ZEB1: variants seen among roughly 807,000 people sequenced by gnomAD.
ZEB1 encodes the protein zinc finger E-box binding homeobox 1.
A neutral mutation model predicts 84.9 loss-of-function variants in ZEB1; 21 were observed. The observed-to-expected ratio is 0.25, with a 90% confidence interval of 0.18 to 0.36. The LOEUF is 0.36. Ranked by LOEUF, ZEB1 falls within the 10% of genes least tolerant of loss-of-function variation. ZEB1 has a pLI of 1.00. For missense variants in ZEB1, 1,104 were observed against 1,330.2 expected (o/e 0.83, Z 2.65); for synonymous variants, 420 against 471.1 (o/e 0.89, Z 1.41).
At chr10:31,360,715 C>G (rs2042882493) in intron 1 of ZEB1, among the ~76,000 whole-genome samples, 1 of 152,134 alleles carries the variant, frequency 6.6e-6, no homozygotes, top group African/African-American at 2.4e-5. Context: ...CGAGTCTAAT[C>G]ACGTTGAAAT....
In ZEB1 at chr10:31,487,738, T is replaced by C. The variant is rs1242160422; in HGVS notation, c.260-8038T>C. Among the ~76,000 whole-genome samples the C allele has an allele frequency of 3.3e-5, 5 of 151,376 alleles. No individual in the cohort carries two copies. In the East Asian group the frequency reaches 7.8e-4, roughly 23 times the overall value. Reference sequence around the variant, plus strand: ...GAAAGCATAGTCTTTCTCCTTTAAGTGTAATGTTAACTGTAGGTTTCTTGT... The same window carrying C: ...GAAAGCATAGTCTTTCTCCTTTAAGCGTAATGTTAACTGTAGGTTTCTTGT... On this transcript the variant is annotated intron_variant, in intron 2 of 8. Transcript: ENST00000424869.
intron 1 of ZEB1, among the ~76,000 whole-genome samples, chr10:31,365,452 G>T (rs2044272467): frequency 6.6e-6 from 1 of 152,098 alleles, no homozygotes; most frequent in African/African-American, 2.4e-5. Flanking sequence ...TTATTAAAAG[G>T]CAAGAAGTTA....
At chr10:31,400,232 A>G (rs912372457) in intron 1 of ZEB1, among the ~76,000 whole-genome samples, 3 of 152,202 alleles carry the variant, frequency 2.0e-5, no homozygotes, top group Non-Finnish European at 1.5e-5. Flanking sequence ...ACATAGAAAT[A>G]TAGTGTTTGG....
chr10:31,492,281 G>A (rs188634482), intron 2 of ZEB1, among the ~76,000 whole-genome samples: 44 of 151,822 alleles, frequency 2.9e-4, no homozygotes, highest in Admixed American at 4.6e-4. Flanking sequence ...CCATGTAATC[G>A]TTTCTCATTT....
At chr10:31,431,412 G>A (rs1216018215) in intron 1 of ZEB1, among the ~76,000 whole-genome samples, 1 of 152,202 alleles carries the variant, frequency 6.6e-6, no homozygotes, top group Non-Finnish European at 1.5e-5. Flanking sequence ...TCTATTGTAT[G>A]AGGAGTAATA....
At chr10:31,474,619 T>G (rs1309381729) in intron 2 of ZEB1, among the ~76,000 whole-genome samples, 3 of 152,248 alleles carry the variant, frequency 2.0e-5, no homozygotes, top group Admixed American at 6.5e-5. Flanking sequence ...GGTGGGACTG[T>G]AAACTAGTTC....
intron 1 of ZEB1, among the ~76,000 whole-genome samples, chr10:31,330,563 TTTATC>T (rs1275942670): frequency 6.6e-6 from 1 of 152,198 alleles, no homozygotes; most frequent in African/African-American, 2.4e-5. Flanking sequence ...TTCCGTAGCT[TTTATC>T]TTTAGATGGG....
At chr10:31,460,931 C>T in intron 1 of ZEB1, 106 bp from the exon 2 acceptor site, 4 of 912,488 alleles carry the variant, frequency 4.4e-6, no homozygotes, top group East Asian at 5.3e-5. Context: ...TAAAAGAAAA[C>T]ATTGAATTAC....
chr10:31,389,785 A>G (rs1283498515), intron 1 of ZEB1: 1 of 152,182 alleles, frequency 6.6e-6, no homozygotes, highest in Non-Finnish European at 1.5e-5. Flanking sequence ...CCCAATATAT[A>G]CAAAAATATT....
intron 1 of ZEB1, among the ~76,000 whole-genome samples, chr10:31,340,411 A>C (rs995952305): frequency 3.9e-5 from 6 of 152,366 alleles, no homozygotes; most frequent in Admixed American, 1.3e-4. Flanking sequence ...ATGGAGTAGC[A>C]GCTAATCTTT....
intron 2 of ZEB1, among the ~76,000 whole-genome samples, chr10:31,468,283 C>T (rs1183396707): frequency 6.6e-6 from 1 of 152,114 alleles, no homozygotes; most frequent in Non-Finnish European, 1.5e-5. Flanking sequence ...TCACCAAGAA[C>T]ACTCTTGTAT....
In ZEB1 at chr10:31,319,276, C is replaced by G; in HGVS notation, c.42C>G (p.Asn14Lys). ...GGTGTAAGCGCAGAAAGCAGGCGAA[C>G]CCGCGGCGCAATAACGGTGAGTGGC... Reference protein sequence around the residue: ...GPRCKRRKQANPRRNNVTNYN... With the variant: ...GPRCKRRKQAKPRRNNVTNYN... The change falls in exon 1 of 9, where the codon AAC becomes AAG. Residue 14 changes from asparagine (N) to lysine (K), a missense_variant. Transcript: ENST00000424869. 7 of 1,609,610 alleles carry G rather than the reference C, an allele frequency of 4.3e-6. No homozygotes were observed. Among genetic ancestry groups the G allele is most frequent in the Non-Finnish European group, 5.9e-6 (7 of 1,178,534 alleles).
rs193035933 is a variant in ZEB1, at chr10:31,413,901, A to G, written c.59-47136A>G. Among the ~76,000 whole-genome samples, 10 of 152,282 alleles carry G rather than the reference A, an allele frequency of 6.6e-5. No individual in the cohort carries two copies. The East Asian group carries it at 1.2e-3, about 18-fold the overall frequency. Reference sequence around the variant, plus strand: ...AATCTGTGTTTCTAACTGACCCTAAACAGCTCTGTTGGTTTCCTGCTCATG... The same window carrying G: ...AATCTGTGTTTCTAACTGACCCTAAGCAGCTCTGTTGGTTTCCTGCTCATG... On this transcript the variant is annotated intron_variant, in intron 1 of 8. Coordinates refer to ENST00000424869, the MANE Select transcript of ZEB1 (RefSeq NM_001174096.2).
chr10:31,519,156 G>T (rs1008529999), intron 6 of ZEB1, among the ~76,000 whole-genome samples: 5 of 152,134 alleles, frequency 3.3e-5, no homozygotes, highest in African/African-American at 1.2e-4. Context: ...GGGATAAATG[G>T]CAAACAAGCC....
Position 31,520,531 on chromosome 10 carries a change from T to C in ZEB1, c.1199T>C (p.Val400Ala). Residue 400 changes from valine (V) to alanine (A), a missense_variant, in exon 7 of 9, where the codon GTT becomes GCT. Val to Ala is a moderately conservative substitution (Grantham distance 64). This residue lies in a region of ZEB1 where 111 missense variants were observed against 161.8 expected (regional missense o/e 0.69). Coordinates refer to ENST00000424869, the MANE Select transcript of ZEB1 (RefSeq NM_001174096.2). The surrounding 1 kb of genome is among the most constrained non-coding windows in gnomAD (Gnocchi z 5.1). ...GTGCAAGCTGTTGTTCTGCCAACAGTTGGTTTGGTGTCTCCCATAAGTATC... is the reference window on the plus strand; with the variant it reads ...GTGCAAGCTGTTGTTCTGCCAACAGCTGGTTTGGTGTCTCCCATAAGTATC... ...GMVQAVVLPT[V>A]GLVSPISINL... 1 of 1,613,670 alleles carries C rather than the reference T, an allele frequency of 6.2e-7. No individual in the cohort carries two copies. Among genetic ancestry groups the C allele is most frequent in the Non-Finnish European group, 8.5e-7 (1 of 1,179,624 alleles).
At chr10:31,322,344 T>C (rs1328019820) in intron 1 of ZEB1, among the ~76,000 whole-genome samples, 2 of 152,376 alleles carry the variant, frequency 1.3e-5, no homozygotes, top group Admixed American at 6.5e-5. Flanking sequence ...TCTCAAATCT[T>C]TTTAATGAAG....
chr10:31,524,756 C>T (rs1364297030), intron 8 of ZEB1, among the ~76,000 whole-genome samples: 1 of 148,408 alleles, frequency 6.7e-6, no homozygotes, highest in Non-Finnish European at 1.5e-5. Context: ...AATATGAGAC[C>T]AGTGGGCTAA....
At chr10:31,413,312 C>T (rs1315679046) in intron 1 of ZEB1, among the ~76,000 whole-genome samples, 1 of 152,086 alleles carries the variant, frequency 6.6e-6, no homozygotes, top group Non-Finnish European at 1.5e-5. Flanking sequence ...GTAATAAGCC[C>T]TTGTATCTGC....
chr10:31,510,701 C>T lies in ZEB1; in HGVS notation c.513C>T (p.Leu171=), dbSNP rs1316021890. Reference sequence around the variant, plus strand: ...CACCAGATGCATTTTCACAATTACTCACCTGTCCATATTGTGATAGAGGCT... The same window carrying T: ...CACCAGATGCATTTTCACAATTACTTACCTGTCCATATTGTGATAGAGGCT... ...NGTPDAFSQL[L]TCPYCDRGYK... Residue 171 remains leucine (L), a synonymous_variant, in exon 5 of 9, where the codon CTC becomes CTT. Transcript: ENST00000424869. The T allele has an allele frequency of 1.2e-6, 2 of 1,613,560 alleles. No individual in the cohort carries two copies. The highest frequency in any genetic ancestry group is 1.3e-5 in the African/African-American group (1 of 75,032).
Sources: allele counts gnomAD v4.1 joint callset (sites outside exome capture counted in the v4.1 genomes callset), GRCh38; gene constraint gnomAD v4.1.1; regional missense constraint gnomAD v4.1.1; non-coding constraint Gnocchi (gnomAD v3.1); transcripts MANE v1.5; gene names NCBI Gene and HGNC (gene_info 2026-07-23, HGNC 2026-07-21).